AS3MT: variants seen among roughly 807,000 people sequenced by gnomAD.
AS3MT encodes S-adenosyl-L-methionine:arsenic(III) methyltransferase.
Under a neutral mutation model 45.3 loss-of-function variants are expected in AS3MT, and 47 were observed. The ratio of observed to expected loss-of-function variants is 1.04; its 90% CI spans 0.82 to 1.32. The LOEUF is 1.32. Ranked by LOEUF, AS3MT falls within the 40% of genes most tolerant of loss-of-function variation. The pLI is 0.00. For synonymous variants in AS3MT, 141 were observed against 152.8 expected (o/e 0.92, Z 0.57); for missense variants, 396 against 451.1 (o/e 0.88, Z 1.11).
chr10:102,889,014 C>T (rs1262573519), intron 9 of AS3MT, among the ~76,000 whole-genome samples: 1 of 151,262 alleles, frequency 6.6e-6, no homozygotes. Flanking sequence ...CCTCAGCGCC[C>T]CGAGTAGCTG....
chr10:102,875,730 C>T (rs1412898033), intron 6 of AS3MT, among the ~76,000 whole-genome samples: 1 of 151,842 alleles, frequency 6.6e-6, no homozygotes, highest in Non-Finnish European at 1.5e-5. Flanking sequence ...TCAAACAATT[C>T]TTTTGCCTCA....
In AS3MT at chr10:102,871,600, C is replaced by T. The variant is rs186346165; in HGVS notation, c.171-848C>T. On this transcript the variant is annotated intron_variant, in intron 3 of 10. Transcript: ENST00000369880. ...AAAATTAGCCAGGAGTGGTGGCAGG[C>T]GCTCGTAGTCCTAGCTACTCGGGAG... Among the ~76,000 whole-genome samples the T allele has an allele frequency of 2.0e-3, 255 of 130,580 alleles. 3 individuals are homozygous for T. The highest frequency in any genetic ancestry group is 7.0e-3 in the African/African-American group (240 of 34,354). 85.7% of individuals were successfully genotyped at this position (130,580 alleles called of 152,430 possible).
At chr10:102,891,294 G>A (rs1464481529) in intron 10 of AS3MT, among the ~76,000 whole-genome samples, 1 of 152,196 alleles carries the variant, frequency 6.6e-6, no homozygotes, top group Non-Finnish European at 1.5e-5. Flanking sequence ...ATTCCTGGTG[G>A]AGTCGGCGCG....
At chr10:102,871,438 T>A (rs1844681406) in intron 3 of AS3MT, among the ~76,000 whole-genome samples, 1 of 144,350 alleles carries the variant, frequency 6.9e-6, no homozygotes, top group Non-Finnish European at 1.5e-5. Context: ...TTCCGGCTGC[T>A]GGGGAGGCTG....
chr10:102,890,703 G>A (rs1321332819), intron 10 of AS3MT, 25 bp downstream of exon 10: 6 of 1,594,144 alleles, frequency 3.8e-6, no homozygotes, highest in Non-Finnish European at 5.1e-6. Flanking sequence ...CACTACCTGA[G>A]AGAACTATTT....
chr10:102,876,991 G>C lies in AS3MT; in HGVS notation c.566G>C (p.Ser189Thr), dbSNP rs946259068. ...TTATATTTCAGTGACGTCTATACGA[G>C]CCTTGAACTGCCAGAAGAAATCAGG... ...GELYFSDVYT[S>T]LELPEEIRTH... is the part of the protein sequence containing the mutation. The change falls in exon 7 of 11, where the codon AGC (serine) becomes ACC (threonine). Residue 189 changes from serine (S) to threonine (T), a missense_variant. By Grantham distance (58) the Ser-to-Thr change is moderately conservative. Transcript: ENST00000369880. The C allele has an allele frequency of 3.7e-6, 6 of 1,614,070 alleles. No individual in the cohort carries two copies. Among genetic ancestry groups the C allele is most frequent in the Non-Finnish European group, 4.2e-6 (5 of 1,180,026 alleles).
chr10:102,897,249 T>C (rs899586625), intron 10 of AS3MT, among the ~76,000 whole-genome samples: 22 of 151,034 alleles, frequency 1.5e-4, no homozygotes, highest in Non-Finnish European at 3.0e-5. Context: ...CCGGGCGTGG[T>C]GGCGGGTGCC....
intron 5 of AS3MT, 25 bp from the exon 6 acceptor site, chr10:102,874,567 C>G (rs1331638189): frequency 7.8e-6 from 12 of 1,533,922 alleles, no homozygotes; most frequent in Non-Finnish European, 9.8e-6. Flanking sequence ...AAGATTTGCT[C>G]GACATTTCAT....
intron 9 of AS3MT, among the ~76,000 whole-genome samples, chr10:102,882,140 C>T (rs1427520041): frequency 1.3e-5 from 2 of 151,986 alleles, no homozygotes; most frequent in Non-Finnish European, 1.5e-5. Flanking sequence ...GGGATTTCAC[C>T]GTGTTAGCCA....
At position 102,870,120 on chromosome 10, in the gene AS3MT, C is replaced by A. The variant is rs1435271717; in HGVS notation, c.79C>A (p.Leu27Ile). 1.2e-6 allele frequency: 2 copies of A among 1,614,026 alleles called. No homozygotes were observed. The highest frequency in any genetic ancestry group is 1.7e-6 in the Non-Finnish European group (2 of 1,180,048). Residue 27 changes from leucine to isoleucine, a missense_variant, in exon 3 of 11, where the codon CTC becomes ATC. By Grantham distance (5) the Leu-to-Ile change is conservative (BLOSUM62 2). Coordinates refer to ENST00000369880, the MANE Select transcript of AS3MT (RefSeq NM_020682.4). ...GCAGGTGCTGAAGAGATCGGCAGAC[C>A]TCCAGACCAACGGCTGTGTCACCAC... ...YGQVLKRSAD[L>I]QTNGCVTTAR...
rs767043343 is a variant in AS3MT at position 102,873,148 on chromosome 10, C to G, written c.373C>G (p.Gln125Glu). 6.2e-7 allele frequency: 1 copy of G among 1,607,960 alleles called. No homozygotes were observed. Among genetic ancestry groups the G allele is most frequent in the Non-Finnish European group, 8.5e-7 (1 of 1,178,214 alleles). The change falls in exon 5 of 11, where the codon CAG becomes GAG. Residue 125 changes from glutamine to glutamate, a missense_variant. Transcript: ENST00000369880. Reference protein sequence around the residue: ...LDYHMEKYGFQASNVTFIHGY... With the variant: ...LDYHMEKYGFEASNVTFIHGY... ...CTATCACATGGAAAAATATGGCTTC[C>G]AGGCATCTAATGTGACTTTTATTCA...
intron 10 of AS3MT, among the ~76,000 whole-genome samples, chr10:102,891,948 C>CAAAAAAAAAAAAAAAAAA (rs57594880): frequency 1.7e-5 from 1 of 57,846 alleles, no homozygotes. Flanking sequence ...GACTCTGTCT[C>CAAAAAAAAAAAAAAAAAA]AAAAAAAAAA....
At chr10:102,873,316 T>C in intron 5 of AS3MT, 83 bp downstream of exon 5, 1 of 1,142,328 alleles carries the variant, frequency 8.8e-7, no homozygotes, top group Non-Finnish European at 1.1e-6. Context: ...ACTCTCGCTC[T>C]GTCACCCAGG....
At chr10:102,883,945 A>G (rs1844906323) in intron 9 of AS3MT, among the ~76,000 whole-genome samples, 1 of 151,174 alleles carries the variant, frequency 6.6e-6, no homozygotes, top group South Asian at 2.1e-4. Context: ...CTCTTTTAGC[A>G]ATTTTCTTTT....
intron 10 of AS3MT, among the ~76,000 whole-genome samples, chr10:102,892,022 T>G (rs1845080077): frequency 6.6e-6 from 1 of 151,070 alleles, no homozygotes; most frequent in Non-Finnish European, 1.5e-5. Flanking sequence ...ACTATAACAC[T>G]TGTTACTAGA....
At chr10:102,894,284 G>T (rs1380248317) in intron 10 of AS3MT, among the ~76,000 whole-genome samples, 1 of 151,850 alleles carries the variant, frequency 6.6e-6, no homozygotes, top group African/African-American at 2.4e-5. Flanking sequence ...TCAGCCAGGC[G>T]TGGGGGCAGG....
At chr10:102,870,651 A>G (rs17885393) in intron 3 of AS3MT, among the ~76,000 whole-genome samples, 3 of 152,340 alleles carry the variant, frequency 2.0e-5, no homozygotes, top group Admixed American at 1.3e-4. Context: ...TGGATCTGCC[A>G]TTCAAGATAT....
At chr10:102,877,748 CTTTTTTTTTTTT>C (rs751685577) in intron 7 of AS3MT, among the ~76,000 whole-genome samples, 1 of 105,194 alleles carries the variant, frequency 9.5e-6, no homozygotes, top group Non-Finnish European at 1.9e-5. Context: ...GTGATAACTT[CTTTTTTTTTTTT>C]TTTTTTTTTT....
At chr10:102,893,636 C>T (rs1845113132) in intron 10 of AS3MT, among the ~76,000 whole-genome samples, 1 of 152,046 alleles carries the variant, frequency 6.6e-6, no homozygotes, top group Non-Finnish European at 1.5e-5. Flanking sequence ...GATGGGACTA[C>T]AGGTGCGTGC....
Sources: allele counts gnomAD v4.1 joint callset (sites outside exome capture counted in the v4.1 genomes callset), GRCh38; gene constraint gnomAD v4.1.1; transcripts MANE v1.5; gene names NCBI Gene and HGNC (gene_info 2026-07-23, HGNC 2026-07-21).